The following RAD51B variants were observed in gnomAD, a reference collection of about 807,000 sequenced individuals.
The protein encoded by RAD51B is DNA repair protein RAD51 homolog 2.
In RAD51B, 38 loss-of-function variants were observed where a neutral mutation model predicts 42.2. That is an observed-to-expected ratio of 0.90 (90% CI 0.70 to 1.18). The LOEUF is 1.18. RAD51B is among the 50% of genes most tolerant of loss of function. The probability of loss-of-function intolerance (pLI) is 0.00; values close to 1 mark genes in which losing one functional copy is unlikely to be tolerated. For missense variants in RAD51B, 373 were observed against 400.7 expected (o/e 0.93, Z 0.59); for synonymous variants, 154 against 145.2 (o/e 1.06, Z -0.43).
At chr14:68,145,707 T>C (rs2078234072) in intron 7 of RAD51B, among the ~76,000 whole-genome samples, 1 of 152,200 alleles carries the variant, frequency 6.6e-6, no homozygotes, top group Non-Finnish European at 1.5e-5. Context: ...TATATCTTGA[T>C]TGTGATTCAT....
At chr14:68,483,214 G>A (rs1566908602) in intron 10 of RAD51B, among the ~76,000 whole-genome samples, 1 of 152,180 alleles carries the variant, frequency 6.6e-6, no homozygotes, top group Non-Finnish European at 1.5e-5. Flanking sequence ...ACTGGATATT[G>A]GTGAACACCT....
At chr14:67,825,125 A>G (rs1346224949) in intron 2 of RAD51B, among the ~76,000 whole-genome samples, 1 of 149,838 alleles carries the variant, frequency 6.7e-6, no homozygotes, top group Non-Finnish European at 1.5e-5. Flanking sequence ...AACTCTTTCA[A>G]CCTGACACTT....
intron 7 of RAD51B, among the ~76,000 whole-genome samples, chr14:68,184,790 A>T (rs2079126236): frequency 6.6e-6 from 1 of 152,144 alleles, no homozygotes; most frequent in African/African-American, 2.4e-5. Context: ...ACAATCCCCA[A>T]ATCTGTGTTT....
intron 8 of RAD51B, among the ~76,000 whole-genome samples, chr14:68,318,929 T>C (rs1435325456): frequency 6.6e-6 from 1 of 152,224 alleles, no homozygotes. Context: ...GGGTCAGTAC[T>C]CTTACAAGTA....
chr14:68,017,028 A>G (rs2075787663), intron 7 of RAD51B, among the ~76,000 whole-genome samples: 1 of 152,152 alleles, frequency 6.6e-6, no homozygotes, highest in African/African-American at 2.4e-5. Flanking sequence ...TGGAGCTAAT[A>G]AGGACATGGC....
At chr14:67,872,471 C>T (rs1279183170) in intron 5 of RAD51B, among the ~76,000 whole-genome samples, 3 of 148,226 alleles carry the variant, frequency 2.0e-5, no homozygotes, top group Admixed American at 6.8e-5. Flanking sequence ...ATTCCATGCT[C>T]ACGGGTAGGA....
intron 5 of RAD51B, among the ~76,000 whole-genome samples, chr14:67,874,090 A>G (rs1367922131): frequency 6.6e-6 from 1 of 151,570 alleles, no homozygotes; most frequent in Non-Finnish European, 1.5e-5. Context: ...AAGTATAATA[A>G]TAATAAATTA....
chr14:68,637,912 T>G (rs1892373803), intron 10 of RAD51B, among the ~76,000 whole-genome samples: 1 of 152,228 alleles, frequency 6.6e-6, no homozygotes. Flanking sequence ...AACCTCACCT[T>G]CTGCCTCAGG....
intron 10 of RAD51B, among the ~76,000 whole-genome samples, chr14:68,581,898 G>A (rs537560441): frequency 8.3e-4 from 126 of 152,284 alleles, no homozygotes; most frequent in African/African-American, 2.6e-3. Context: ...ACAAAAGCAG[G>A]CAATGGGGAA....
intron 7 of RAD51B, among the ~76,000 whole-genome samples, chr14:68,082,095 G>A (rs868569082): frequency 6.6e-6 from 1 of 152,010 alleles, no homozygotes. Flanking sequence ...TGAGTAGCTG[G>A]GACTACAAGT....
intron 11 of RAD51B, among the ~76,000 whole-genome samples, chr14:68,654,620 C>T (rs553026642): frequency 6.6e-6 from 1 of 152,284 alleles, no homozygotes; most frequent in East Asian, 1.9e-4. Context: ...GGTTTAGACC[C>T]CCGTGGGTGC....
chr14:68,116,236 A>G (rs2077545505), intron 7 of RAD51B, among the ~76,000 whole-genome samples: 1 of 151,376 alleles, frequency 6.6e-6, no homozygotes, highest in South Asian at 2.1e-4. Flanking sequence ...TTAGGGTTTT[A>G]TTAGGGAACT....
chr14:68,014,692 G>GT (rs2075745139), intron 7 of RAD51B, among the ~76,000 whole-genome samples: 1 of 134,080 alleles, frequency 7.5e-6, no homozygotes, highest in Non-Finnish European at 1.6e-5. Context: ...TTAAGGATCA[G>GT]TAAAAATAAA....
chr14:68,651,920 TAGAC>T (rs1350884051), intron 11 of RAD51B, among the ~76,000 whole-genome samples: 1 of 152,124 alleles, frequency 6.6e-6, no homozygotes, highest in Non-Finnish European at 1.5e-5. Context: ...GGTGCTGTGG[TAGAC>T]AGGCCACCTG....
chr14:68,306,288 T>A (rs924278419), intron 8 of RAD51B, among the ~76,000 whole-genome samples: 41 of 152,228 alleles, frequency 2.7e-4, no homozygotes, highest in Non-Finnish European at 4.7e-4. Context: ...TACTTTCTGG[T>A]CCTGTAACCA....
chr14:68,112,810 A>G (rs2077480220), intron 7 of RAD51B, among the ~76,000 whole-genome samples: 1 of 152,154 alleles, frequency 6.6e-6, no homozygotes, highest in African/African-American at 2.4e-5. Context: ...CCAATTAGTG[A>G]GACTTCACTA....
chr14:68,272,825 C>T (rs2081146356), intron 7 of RAD51B, among the ~76,000 whole-genome samples: 1 of 149,302 alleles, frequency 6.7e-6, no homozygotes, highest in Non-Finnish European at 1.5e-5. Flanking sequence ...GCTGGGACTA[C>T]AGGTGCCCAC....
intron 10 of RAD51B, among the ~76,000 whole-genome samples, chr14:68,624,754 CAG>C (rs772029593): frequency 6.6e-6 from 1 of 152,194 alleles, no homozygotes; most frequent in Admixed American, 6.5e-5. Context: ...TCTCAGGAAA[CAG>C]GGCCCCAGGC....
chr14:67,893,495 C>A (rs868650185), intron 7 of RAD51B, among the ~76,000 whole-genome samples: 3,377 of 77,026 alleles, frequency 0.044, 171 homozygotes, highest in African/African-American at 0.15. Flanking sequence ...CACACACACA[C>A]ACACACACAC....
Sources: gnomAD v4.1 joint callset for allele counts (sites outside exome capture counted in the v4.1 genomes callset) on GRCh38, gnomAD v4.1.1 for gene constraint, MANE v1.5 for transcripts, NCBI Gene and HGNC (gene_info 2026-07-23, HGNC 2026-07-21) for gene names.